The following PRDM16 variants were observed in gnomAD, a reference collection of about 807,000 sequenced individuals.
PRDM16 encodes the protein histone-lysine N-methyltransferase PRDM16.
PRDM16 carries 23 observed loss-of-function variants against 110.6 expected under a neutral mutation model. That is an observed-to-expected ratio of 0.21 (90% CI 0.15 to 0.29). The LOEUF is 0.29. PRDM16 is among the 10% of genes least tolerant of loss of function. PRDM16 has a pLI of 1.00. For missense variants in PRDM16, 1,615 were observed against 1,794.3 expected, an observed-to-expected ratio of 0.90 and a Z score of 1.81; for synonymous variants, 799 against 781.8, an observed-to-expected ratio of 1.02 and a Z score of -0.37.
intron 14 of PRDM16, 37 bp downstream of exon 14, chr1:3,426,262 C>G (rs2100693588): frequency 6.3e-7 from 1 of 1,591,364 alleles, no homozygotes; most frequent in African/African-American, 1.3e-5. Flanking sequence ...AAGTCTGGAC[C>G]CGGCCAACAG....
intron 3 of PRDM16, among the ~76,000 whole-genome samples, chr1:3,336,776 CTGTG>C (rs1193446705): frequency 7.4e-5 from 11 of 148,702 alleles, no homozygotes; most frequent in Non-Finnish European, 1.5e-4. Flanking sequence ...TGGTGTGAAT[CTGTG>C]TGTGAATGCA....
rs1160264685 is a variant in PRDM16, at chr1:3,402,204, C to G, written c.677-587C>G. 2.6e-5 allele frequency among the ~76,000 whole-genome samples: 4 copies of G among 152,292 alleles called. No individual in the cohort carries two copies. In the East Asian group the frequency reaches 7.7e-4, roughly 29 times the overall value. ...ATGAGGCATCTTGTTGGGGGGGTCTCCCGTCTTAGGTGGAAGGCTGCTGCC... is the reference window on the plus strand; with the variant it reads ...ATGAGGCATCTTGTTGGGGGGGTCTGCCGTCTTAGGTGGAAGGCTGCTGCC... On this transcript the variant is annotated intron_variant, in intron 5 of 16. Coordinates refer to ENST00000270722, the MANE Select transcript of PRDM16 (RefSeq NM_022114.4).
chr1:3,318,283 C>T (rs1237976037), intron 3 of PRDM16, among the ~76,000 whole-genome samples: 1 of 152,224 alleles, frequency 6.6e-6, no homozygotes, highest in Non-Finnish European at 1.5e-5. Context: ...TCTTAACCTA[C>T]AGCTCCCTCC....
chr1:3,281,177 T>G (rs1414082313), intron 3 of PRDM16, among the ~76,000 whole-genome samples: 1 of 152,232 alleles, frequency 6.6e-6, no homozygotes, highest in Non-Finnish European at 1.5e-5. Context: ...GATGTCCTCT[T>G]CAACTCGAAA....
chr1:3,394,135 G>A (rs568281405), intron 4 of PRDM16, among the ~76,000 whole-genome samples: 2 of 152,202 alleles, frequency 1.3e-5, no homozygotes, highest in South Asian at 4.1e-4. Flanking sequence ...TGGGGGAAGG[G>A]GTTTCCTTCC....
chr1:3,321,364 CTA>C (rs555111323), intron 3 of PRDM16, among the ~76,000 whole-genome samples: 132 of 144,236 alleles, frequency 9.2e-4, no homozygotes, highest in African/African-American at 2.8e-3. Context: ...CTGTGTGTGA[CTA>C]TGTGCATTTG....
In PRDM16 at chr1:3,246,764, C is replaced by A. The variant is rs1639798964; in HGVS notation, c.438+2627C>A. ...GAGAATCAGATCCCTAACCCCAGGG[C>A]TCAGACTGGACCCGTTCAGTTACAT... On this transcript the variant is annotated intron_variant, in intron 3 of 16. Coordinates refer to ENST00000270722, the MANE Select transcript of PRDM16 (RefSeq NM_022114.4). The surrounding 1 kb of genome is among the most constrained non-coding windows in gnomAD (Gnocchi z 5.2). 6.6e-6 allele frequency among the ~76,000 whole-genome samples: 1 copy of A among 152,186 alleles called. No homozygotes were observed. Among genetic ancestry groups the A allele is most frequent in the African/African-American group, 2.4e-5 (1 of 41,454 alleles).
At chr1:3,114,519 AACACACGC>A (rs1642905806) in intron 1 of PRDM16, among the ~76,000 whole-genome samples, 1 of 148,934 alleles carries the variant, frequency 6.7e-6, no homozygotes, top group Admixed American at 6.6e-5. Flanking sequence ...CACACACATG[AACACACGC>A]ACACATGCAC....
chr1:3,282,914 C>T (rs978373464), intron 3 of PRDM16, among the ~76,000 whole-genome samples: 2 of 152,186 alleles, frequency 1.3e-5, no homozygotes, highest in African/African-American at 2.4e-5. Flanking sequence ...CAGTGAGAGG[C>T]GTGGTAGTAT....
chr1:3,072,806 G>A (rs573019699), intron 1 of PRDM16, among the ~76,000 whole-genome samples: 5 of 152,372 alleles, frequency 3.3e-5, no homozygotes, highest in African/African-American at 7.2e-5. Flanking sequence ...CAGAGGCTGC[G>A]GTGGAGGGGT....
At chr1:3,224,869 C>A (rs569335829) in intron 2 of PRDM16, among the ~76,000 whole-genome samples, 2 of 152,234 alleles carry the variant, frequency 1.3e-5, no homozygotes, top group African/African-American at 4.8e-5. Flanking sequence ...CTCGTCTCTG[C>A]GGACTTGTGT....
intron 2 of PRDM16, chr1:3,207,195 T>G (rs2817143): frequency 1.3e-5 from 2 of 152,242 alleles, no homozygotes; most frequent in African/African-American, 4.8e-5. Flanking sequence ...CCAGCGCCAT[T>G]GATCCCTTTT....
rs567494098 is a variant in PRDM16 at position 3,145,114 on chromosome 1, C to T, written c.38-41011C>T. On this transcript the variant is annotated intron_variant, in intron 1 of 16. Transcript: ENST00000270722. ...AGGCCCCACGCAGGGGCTGACCTGG[C>T]AGGTGATCGTCCATGCCACCCAGCC... Among the ~76,000 whole-genome samples, 33 of 152,328 alleles carry T rather than the reference C, an allele frequency of 2.2e-4. 1 individual carries two copies. Among genetic ancestry groups the T allele is most frequent in the Admixed American group, 2.1e-3 (32 of 15,308 alleles).
At chr1:3,317,463 T>C (rs1641636816) in intron 3 of PRDM16, among the ~76,000 whole-genome samples, 1 of 152,252 alleles carries the variant, frequency 6.6e-6, no homozygotes, top group African/African-American at 2.4e-5. Flanking sequence ...GTCAGGGTCC[T>C]GGTGTCCGGC....
intron 1 of PRDM16, among the ~76,000 whole-genome samples, chr1:3,118,106 T>C (rs12141827): frequency 0.061 from 9,277 of 150,924 alleles, 385 homozygotes; most frequent in Admixed American, 0.11. Flanking sequence ...TACATGCATG[T>C]GTGTGTGCGT....
chr1:3,417,707 G>A (rs968366821), intron 10 of PRDM16, 121 bp from the exon 11 acceptor site: 2 of 836,498 alleles, frequency 2.4e-6, no homozygotes, highest in African/African-American at 3.5e-5. Context: ...GGAGACCATT[G>A]CTTCCAGTGC....
At chr1:3,389,414 T>A (rs2100614341) in intron 4 of PRDM16, among the ~76,000 whole-genome samples, 1 of 152,318 alleles carries the variant, frequency 6.6e-6, no homozygotes, top group Admixed American at 6.5e-5. Flanking sequence ...GAACAAGAGC[T>A]ATCCCTATGG....
chr1:3,291,659 G>A (rs1291960323), intron 3 of PRDM16, among the ~76,000 whole-genome samples: 1 of 152,242 alleles, frequency 6.6e-6, no homozygotes, highest in Admixed American at 6.5e-5. Flanking sequence ...AATAAGGTCT[G>A]AATGCTATGA....
At position 3,246,878 on chromosome 1, in the gene PRDM16, G is replaced by A. The variant is rs1639801923; in HGVS notation, c.438+2741G>A. On this transcript the variant is annotated intron_variant, in intron 3 of 16. Transcript: ENST00000270722. The surrounding 1 kb of genome is among the most constrained non-coding windows in gnomAD (Gnocchi z 5.2). ...TTCAAAGGCAAAGTCTTCAGACTCG[G>A]GGGCCAGGAAGACCAGGACAGACAG... 6.6e-6 allele frequency among the ~76,000 whole-genome samples: 1 copy of A among 152,152 alleles called. No homozygotes were observed. Among genetic ancestry groups the A allele is most frequent in the Non-Finnish European group, 1.5e-5 (1 of 68,022 alleles).
Sources: allele counts gnomAD v4.1 joint callset (sites outside exome capture counted in the v4.1 genomes callset), GRCh38; gene constraint gnomAD v4.1.1; non-coding constraint Gnocchi (gnomAD v3.1); transcripts MANE v1.5; gene names NCBI Gene and HGNC (gene_info 2026-07-23, HGNC 2026-07-21).